ANKAR: variants seen among roughly 807,000 people sequenced by gnomAD.
The protein encoded by ANKAR is ankyrin and armadillo repeat-containing protein.
ANKAR carries 136 observed loss-of-function variants against 146.2 expected under a neutral mutation model. The observed-to-expected ratio is 0.93, with a 90% CI of 0.81 to 1.07. ANKAR has a LOEUF of 1.07. Among genes scored for constraint, ANKAR ranks in the 50% least tolerant of loss-of-function variants. The pLI is 0.00. For missense variants in ANKAR, 1,567 were observed against 1,679.9 expected, an observed-to-expected ratio of 0.93 and a Z score of 1.18; for synonymous variants, 500 against 575.8, an observed-to-expected ratio of 0.87 and a Z score of 1.88.
chr2:189,711,511 T>C (rs2039677039), intron 10 of ANKAR, among the ~76,000 whole-genome samples: 1 of 152,250 alleles, frequency 6.6e-6, no homozygotes, highest in African/African-American at 2.4e-5. Flanking sequence ...AAATTAAAAA[T>C]AGCAGATTTA....
At chr2:189,675,768 A>G (rs994958688) in intron 1 of ANKAR, among the ~76,000 whole-genome samples, 4 of 152,104 alleles carry the variant, frequency 2.6e-5, no homozygotes, top group African/African-American at 4.8e-5. Context: ...AGATTCCCCA[A>G]TGTTGGAGGT....
At chr2:189,704,013 G>A (rs1241605512) in intron 7 of ANKAR, among the ~76,000 whole-genome samples, 1 of 152,076 alleles carries the variant, frequency 6.6e-6, no homozygotes, top group Non-Finnish European at 1.5e-5. Context: ...GGGACACAGA[G>A]CCAAACCATA....
rs1331239776 is a variant in ANKAR, at chr2:189,696,379, A to G, written c.1708+10A>G. ...GTTACGTTCAGCCAAGGTACCATAA[A>G]GTTTTTTAACCTAAAATGTTGTTAT... On this transcript the variant is annotated intron_variant, in intron 7 of 22. Transcript: ENST00000684021. The G allele has an allele frequency of 6.2e-7, 1 of 1,605,094 alleles. No individual in the cohort carries two copies. Among genetic ancestry groups the G allele is most frequent in the Non-Finnish European group, 8.5e-7 (1 of 1,176,676 alleles).
rs1389599420 is a variant in ANKAR at position 189,719,832 on chromosome 2, C to A, written c.2466+19C>A. 7.8e-6 allele frequency: 12 copies of A among 1,530,434 alleles called. No individual in the cohort carries two copies. Among genetic ancestry groups the A allele is most frequent in the Non-Finnish European group, 1.1e-5 (12 of 1,123,738 alleles). The allele number at this position is 1,530,434 out of a possible 1,614,324, so 94.8% of individuals were successfully genotyped here. A position where few individuals can be genotyped will look rare whatever the true frequency, so the allele number is the denominator to read the frequency against. On this transcript the variant is annotated intron_variant, in intron 11 of 22. Coordinates refer to ENST00000684021, the MANE Select transcript of ANKAR (RefSeq NM_001378068.1). ...CAAATATGTAAGTTCCTTTCATATACAATTATTTTTGACTGACAATAACTC... is the reference window on the plus strand; with the variant it reads ...CAAATATGTAAGTTCCTTTCATATAAAATTATTTTTGACTGACAATAACTC...
intron 10 of ANKAR, 62 bp from the exon 11 acceptor site, chr2:189,719,510 A>C: frequency 7.1e-7 from 1 of 1,401,100 alleles, no homozygotes; most frequent in Non-Finnish European, 9.5e-7. Flanking sequence ...GCCATGATAA[A>C]TTGACTACAA....
intron 3 of ANKAR, among the ~76,000 whole-genome samples, chr2:189,691,461 A>C (rs1003077261): frequency 6.6e-6 from 1 of 152,026 alleles, no homozygotes; most frequent in African/African-American, 2.4e-5. Flanking sequence ...CTTCTTTATA[A>C]TGTCTCCTTT....
downstream of ANKAR, chr2:189,761,569 T>C (rs200436466): frequency 6.2e-7 from 1 of 1,610,644 alleles, no homozygotes. Flanking sequence ...AATTAAAACT[T>C]CTTAAAAATT....
chr2:189,762,653 C>T, downstream of ANKAR: 2 of 985,430 alleles, frequency 2.0e-6, no homozygotes, highest in Non-Finnish European at 2.4e-6. Context: ...GCAAAAGCGT[C>T]AGTGGGGTGA....
intron 7 of ANKAR, among the ~76,000 whole-genome samples, chr2:189,699,790 C>T (rs1336601266): frequency 6.6e-6 from 1 of 152,104 alleles, no homozygotes; most frequent in Non-Finnish European, 1.5e-5. Context: ...CCTCAGCCTC[C>T]CATGTAGCTG....
At chr2:189,706,384 T>TCAACAA (rs529179927) in intron 8 of ANKAR, among the ~76,000 whole-genome samples, 12 of 151,212 alleles carry the variant, frequency 7.9e-5, no homozygotes, top group East Asian at 3.9e-4. Flanking sequence ...AGACTCCATC[T>TCAACAA]CAACAACAAC....
intron 6 of ANKAR, 38 bp from the exon 7 acceptor site, chr2:189,696,112 G>A (rs1173039246): frequency 3.1e-6 from 5 of 1,592,738 alleles, no homozygotes; most frequent in South Asian, 1.1e-5. Flanking sequence ...AACTTTAGGT[G>A]CATTTTGATA....
intron 18 of ANKAR, chr2:189,755,514 T>C (rs1322157239): frequency 2.5e-6 from 4 of 1,603,452 alleles, no homozygotes; most frequent in African/African-American, 2.7e-5. Context: ...CGTTGAATAT[T>C]TTCTCTGTGA....
At chr2:189,730,153 G>A (rs2246686) in intron 15 of ANKAR, among the ~76,000 whole-genome samples, 151,116 of 152,318 alleles carry the variant, frequency 0.99, 74,971 homozygotes, top group Middle Eastern at 1. Flanking sequence ...AACTTTTTAT[G>A]GAAAACAACA....
chr2:189,746,748 G>T (rs80306810), downstream of ANKAR: 1 of 973,070 alleles, frequency 1.0e-6, no homozygotes, highest in Non-Finnish European at 1.4e-6. Context: ...TCTTGATCTC[G>T]ATACTAAGCA....
At chr2:189,676,286 C>A in intron 1 of ANKAR, 170 bp from the exon 2 acceptor site, 1 of 507,938 alleles carries the variant, frequency 2.0e-6, no homozygotes, top group African/African-American at 1.9e-5. Context: ...TATTTTAATT[C>A]AAATTTCAGT....
intron 7 of ANKAR, among the ~76,000 whole-genome samples, chr2:189,701,837 G>C (rs930342257): frequency 7.2e-5 from 11 of 152,120 alleles, no homozygotes; most frequent in African/African-American, 2.4e-4. Context: ...TTTAAACTGT[G>C]TTTTTTGCTT....
At chr2:189,752,969 C>T (rs1379468081) in intron 18 of ANKAR, 1 of 1,609,484 alleles carries the variant, frequency 6.2e-7, no homozygotes, top group Admixed American at 1.7e-5. Context: ...TGCGACACCA[C>T]CAGATGCAAC....
chr2:189,730,088 A>G (rs1461364503), intron 15 of ANKAR, among the ~76,000 whole-genome samples: 1 of 152,156 alleles, frequency 6.6e-6, no homozygotes, highest in African/African-American at 2.4e-5. Flanking sequence ...TGTATAATTT[A>G]AGAAACCAAG....
intron 3 of ANKAR, 40 bp from the exon 4 acceptor site, chr2:189,692,215 T>C (rs1010929799): frequency 5.2e-6 from 8 of 1,530,158 alleles, no homozygotes; most frequent in Non-Finnish European, 7.1e-6. Flanking sequence ...CTTTATGTGC[T>C]GTTCACTTTT....
Sources: allele counts gnomAD v4.1 joint callset (sites outside exome capture counted in the v4.1 genomes callset), GRCh38; gene constraint gnomAD v4.1.1; transcripts MANE v1.5; gene names NCBI Gene and HGNC (gene_info 2026-07-23, HGNC 2026-07-21).